The following EEF1D variants were observed in gnomAD, a reference collection of about 807,000 sequenced individuals.
The protein encoded by EEF1D is elongation factor 1-delta.
Under a neutral mutation model 63.9 loss-of-function variants are expected in EEF1D, and 47 were observed. The observed-to-expected ratio is 0.74, with a 90% CI of 0.58 to 0.94. EEF1D has a LOEUF of 0.94. Among genes scored for constraint, EEF1D ranks in the 40% least tolerant of loss-of-function variants. The probability of loss-of-function intolerance (pLI) is 0.00; values close to 1 mark genes in which losing one functional copy is unlikely to be tolerated. For missense variants in EEF1D, 907 were observed against 899.0 expected (o/e 1.01, Z -0.11); for synonymous variants, 412 against 386.1 (o/e 1.07, Z -0.79).
In EEF1D at chr8:143,586,272, T is replaced by G. The variant is rs1383629556; in HGVS notation, c.1234A>C (p.Ile412Leu). 1 of 1,607,564 alleles carries G rather than the reference T, an allele frequency of 6.2e-7. No homozygotes were observed. Among genetic ancestry groups the G allele is most frequent in the Non-Finnish European group, 8.5e-7 (1 of 1,177,810 alleles). The change falls in exon 5 of 10, where the codon ATC (isoleucine) becomes CTC (leucine). Residue 412 changes from isoleucine (I) to leucine (L), a missense_variant. By Grantham distance (5) the Ile-to-Leu change is conservative (BLOSUM62 2). Coordinates refer to ENST00000618139, the MANE Select transcript of EEF1D (RefSeq NM_001130053.5). ...ASRQENGASV[I>L]LRDIARAREN... is the part of the protein sequence containing the mutation. ...CTGGCTCTCGCAATGTCACGGAGGA[T>G]CACGCTGGCGCCGTTCTCCTGCAGA...
At chr8:143,586,549 A>G (rs58274382) in intron 4 of EEF1D, among the ~76,000 whole-genome samples, 180 bp downstream of exon 4, 9,461 of 152,244 alleles carry the variant, frequency 0.062, 346 homozygotes, top group South Asian at 0.15. Context: ...GGCCCTGAGC[A>G]GACCCGGCCC....
Position 143,581,305 on chromosome 8 carries a change from G to A in EEF1D, c.1311C>T (p.Ser437=), listed in dbSNP as rs757283733. The part of the protein sequence containing the change: ...LAGSSGPGAS[S]GTSGDHGELV... Reference sequence around the variant, plus strand: ...GCTCACCGTGGTCTCCGCTGGTGCCGCTGGAGGCCCCGGGGCCTGAGCTCT... The same window carrying A: ...GCTCACCGTGGTCTCCGCTGGTGCCACTGGAGGCCCCGGGGCCTGAGCTCT... Residue 437 remains serine (S), a synonymous_variant, in exon 6 of 10, where the codon AGC becomes AGT. Coordinates refer to ENST00000618139, the MANE Select transcript of EEF1D (RefSeq NM_001130053.5). 2.0e-5 allele frequency: 32 copies of A among 1,611,680 alleles called. No homozygotes were observed. Among genetic ancestry groups the A allele is most frequent in the Middle Eastern group, 1.9e-4 (1 of 5,344 alleles).
chr8:143,589,299 C>T lies in EEF1D; in HGVS notation c.783G>A (p.Leu261=), dbSNP rs1215086033. The T allele has an allele frequency of 6.3e-7, 1 of 1,587,454 alleles. No individual in the cohort carries two copies. Among genetic ancestry groups the T allele is most frequent in the Admixed American group, 1.7e-5 (1 of 57,200 alleles). ...CCTCGGCCAGGCCGGCTCGCTCTTGCAGGCGCACCTTCCCTGGGGGATGGC... is the reference window on the plus strand; with the variant it reads ...CCTCGGCCAGGCCGGCTCGCTCTTGTAGGCGCACCTTCCCTGGGGGATGGC... ...FDGHPPGKVR[L]QERAGLAEGA... Residue 261 remains leucine (L), a synonymous_variant, in exon 3 of 10, where the codon CTG becomes CTA. Coordinates refer to ENST00000618139, the MANE Select transcript of EEF1D (RefSeq NM_001130053.5).
intron 2 of EEF1D, chr8:143,592,013 G>A: frequency 1.0e-6 from 1 of 981,574 alleles, no homozygotes; most frequent in Non-Finnish European, 1.2e-6. Context: ...CGGGGCCCAT[G>A]GGAGGCCACA....
At position 143,586,752 on chromosome 8, in the gene EEF1D, G is replaced by T; in HGVS notation, c.1192C>A (p.Pro398Thr). Residue 398 changes from proline to threonine, a missense_variant, in exon 4 of 10, where the codon CCT (proline) becomes ACT (threonine). Coordinates refer to ENST00000618139, the MANE Select transcript of EEF1D (RefSeq NM_001130053.5). ...ERRFYEQMNG[P>T]VAGASRQENG... ...ACCTGGCGGGAGGCACCTGCCACAG[G>T]CCCGTTCATCTGCTCGTAGAATCTC... 8.1e-6 allele frequency: 13 copies of T among 1,613,964 alleles called. No homozygotes were observed. Among genetic ancestry groups the T allele is most frequent in the Non-Finnish European group, 1.1e-5 (13 of 1,180,008 alleles).
At chr8:143,596,948 C>G (rs1214450127) in intron 1 of EEF1D, 2 of 152,304 alleles carry the variant, frequency 1.3e-5, no homozygotes, top group African/African-American at 4.8e-5. Flanking sequence ...CGTGCAGTAA[C>G]TGGTGCTTGA....
chr8:143,589,593 G>A lies in EEF1D; in HGVS notation c.489C>T (p.Ile163=). The stretch of plus-strand genomic sequence containing the variant: ...GGTCGAAGGAGGACTTGTTGACCCA[G>A]ATCCCCCAGGTCACGTGGTGGCAGG... ...QVACHHVTWG[I]WVNKSSFDQA... Residue 163 remains isoleucine (I), a synonymous_variant, in exon 3 of 10, where the codon ATC becomes ATT. Transcript: ENST00000618139. The A allele has an allele frequency of 2.0e-6, 3 of 1,523,382 alleles. No homozygotes were observed. Among genetic ancestry groups the A allele is most frequent in the Non-Finnish European group, 2.6e-6 (3 of 1,134,572 alleles). 94.4% of individuals were successfully genotyped at this position (1,523,382 alleles called of 1,614,324 possible).
intron 5 of EEF1D, 54 bp downstream of exon 5, chr8:143,586,165 A>G: frequency 4.6e-6 from 7 of 1,535,156 alleles, no homozygotes; most frequent in Non-Finnish European, 6.2e-6. Context: ...GAAAAATCAG[A>G]CATGCTGCTT....
In EEF1D at chr8:143,589,738, T is replaced by C; in HGVS notation, c.344A>G (p.Lys115Arg). The C allele has an allele frequency of 6.6e-7, 1 of 1,525,012 alleles. No individual in the cohort carries two copies. 94.5% of individuals were successfully genotyped at this position (1,525,012 alleles called of 1,614,324 possible). A position where few individuals can be genotyped will look rare whatever the true frequency, so the allele number is the denominator to read the frequency against. ...GCTCTCTGCCTGGTCGAAAAGTGAC[T>C]TGTCCAGCCACACGCGTTCGGCCGA... is the stretch of plus-strand genomic sequence containing the variant. Reference protein sequence around the residue: ...GLSAERVWLDKSLFDQAESSY... With the variant: ...GLSAERVWLDRSLFDQAESSY... The change falls in exon 3 of 10, where the codon AAG becomes AGG. Residue 115 changes from lysine (K) to arginine (R), a missense_variant. Lys to Arg is a conservative substitution (Grantham distance 26, BLOSUM62 2). Coordinates refer to ENST00000618139, the MANE Select transcript of EEF1D (RefSeq NM_001130053.5).
Position 143,591,942 on chromosome 8 carries a change from C to A in EEF1D, c.-1+705G>T, listed in dbSNP as rs771185919. ...TCTAAGTGGAACATGGAGTTCTTTG[C>A]GGGCATGTGGCCCGAATCCCGCAGT... On this transcript the variant is annotated intron_variant, in intron 2 of 9. Transcript: ENST00000618139. 16 of 783,276 alleles carry A rather than the reference C, an allele frequency of 2.0e-5. No individual in the cohort carries two copies. The African/African-American group carries it at 2.8e-4, about 14-fold the overall frequency. 48.5% of individuals were successfully genotyped at this position (783,276 alleles called of 1,614,324 possible). A position where few individuals can be genotyped will look rare whatever the true frequency, so the allele number is the denominator to read the frequency against.
chr8:143,590,659 C>G, intron 2 of EEF1D: 1 of 894,342 alleles, frequency 1.1e-6, no homozygotes, highest in Non-Finnish European at 1.3e-6. Flanking sequence ...AATCCCAACA[C>G]TTTGGGAGGC....
intron 9 of EEF1D, 86 bp downstream of exon 9, chr8:143,579,926 C>A: frequency 6.4e-7 from 1 of 1,552,178 alleles, no homozygotes; most frequent in Non-Finnish European, 8.7e-7. Context: ...CTGGGACTCG[C>A]TCCCCACTGC....
At chr8:143,585,294 C>T (rs922388638) in intron 5 of EEF1D, among the ~76,000 whole-genome samples, 3 of 152,096 alleles carry the variant, frequency 2.0e-5, no homozygotes, top group Admixed American at 1.3e-4. Flanking sequence ...TCGAGAGAGG[C>T]GCGAGATGGA....
At chr8:143,588,370 G>C (rs1412210954) in intron 3 of EEF1D, among the ~76,000 whole-genome samples, 2 of 152,210 alleles carry the variant, frequency 1.3e-5, no homozygotes, top group East Asian at 3.9e-4. Flanking sequence ...TGGCCCCAGA[G>C]ACCGCTGCTG....
rs907837150 is a variant in EEF1D, at chr8:143,589,884, A to G, written c.198T>C (p.Pro66=). Residue 66 remains proline (P), a synonymous_variant, in exon 3 of 10, where the codon CCT becomes CCC. Transcript: ENST00000618139. ...TGGGATCACGCCTGCTGCCGCCGTC[A>G]GGGGCTTCCGCCTCATCAGCGTCCT... is the stretch of plus-strand genomic sequence containing the variant. ...DPEDADEAEA[P]DGGSRRDPRK... is the part of the protein sequence containing the mutation. The G allele has an allele frequency of 3.8e-6, 6 of 1,598,984 alleles. No individual in the cohort carries two copies. Among genetic ancestry groups the G allele is most frequent in the African/African-American group, 2.7e-5 (2 of 74,774 alleles).
rs1827370284 is a variant in EEF1D, at chr8:143,589,243, C to T, written c.839G>A (p.Gly280Asp). Residue 280 changes from glycine to aspartate, a missense_variant, in exon 3 of 10, where the codon GGC becomes GAC. By Grantham distance (94) the Gly-to-Asp change is moderately conservative (BLOSUM62 -1). Transcript: ENST00000618139. The part of the protein sequence containing the change: ...GARRGRRDRR[G>D]RNILGNKRAG... ...CCGCTTGTTCCCTAAGATGTTGCGG[C>T]CCCGCCGGTCTCTGCGGCCCCGCCG... 1.9e-6 allele frequency: 3 copies of T among 1,577,222 alleles called. No individual in the cohort carries two copies. The highest frequency in any genetic ancestry group is 1.8e-5 in the Admixed American group (1 of 55,886).
At chr8:143,591,572 G>C (rs1827967702) in intron 2 of EEF1D, among the ~76,000 whole-genome samples, 1 of 152,222 alleles carries the variant, frequency 6.6e-6, no homozygotes, top group Admixed American at 6.5e-5. Flanking sequence ...CCAACGCCTA[G>C]GAGCACCCTC....
intron 1 of EEF1D, among the ~76,000 whole-genome samples, chr8:143,595,165 G>A (rs1828595630): frequency 6.6e-6 from 1 of 152,164 alleles, no homozygotes; most frequent in African/African-American, 2.4e-5. Context: ...CACCTCCCGG[G>A]TCCAAGCAAT....
Position 143,579,788 on chromosome 8 carries a change from G to A in EEF1D, c.*4C>T. 6.4e-7 allele frequency: 1 copy of A among 1,559,050 alleles called. No homozygotes were observed. Among genetic ancestry groups the A allele is most frequent in the Non-Finnish European group, 8.7e-7 (1 of 1,151,232 alleles). On this transcript the variant is annotated 3_prime_UTR_variant, in exon 10 of 10. Transcript: ENST00000618139. The stretch of plus-strand genomic sequence containing the variant: ...GCACGCGCGCACGTACACACACTCA[G>A]GCTTCAGATCTTGTTGAAAGCTGCG...
Sources: gnomAD v4.1 joint callset for allele counts (sites outside exome capture counted in the v4.1 genomes callset) on GRCh38, gnomAD v4.1.1 for gene constraint, MANE v1.5 for transcripts, NCBI Gene and HGNC (gene_info 2026-07-23, HGNC 2026-07-21) for gene names.